The following CEP164 variants were observed in gnomAD, a reference collection of about 807,000 sequenced individuals.
The protein encoded by CEP164 is centrosomal protein of 164 kDa.
CEP164 carries 162 observed loss-of-function variants against 182.7 expected under a neutral mutation model. The observed-to-expected ratio is 0.89, with a 90% CI of 0.78 to 1.01. The LOEUF (loss-of-function observed/expected upper bound fraction) is 1.01. Among genes scored for constraint, CEP164 ranks in the 50% least tolerant of loss-of-function variants. CEP164 has a pLI of 0.00. For missense variants in CEP164, 1,735 were observed against 1,790.4 expected, an observed-to-expected ratio of 0.97 and a Z score of 0.56; for synonymous variants, 661 against 690.0, an observed-to-expected ratio of 0.96 and a Z score of 0.66.
intron 5 of CEP164, chr11:117,356,288 G>C (rs1440000830): frequency 1.1e-5 from 12 of 1,101,180 alleles, no homozygotes; most frequent in Non-Finnish European, 1.3e-5. Flanking sequence ...CAGGTGGCCG[G>C]AGGGCCTGGG....
chr11:117,392,168 C>T (rs1265012331), intron 17 of CEP164, 58 bp from the exon 18 acceptor site: 2 of 1,460,342 alleles, frequency 1.4e-6, no homozygotes, highest in East Asian at 4.6e-5. Context: ...CTGGCTCCGC[C>T]TCCCACCATG....
chr11:117,336,186 G>A, intron 2 of CEP164: 1 of 1,586,284 alleles, frequency 6.3e-7, no homozygotes, highest in South Asian at 1.1e-5. Context: ...TGAGGGAAGG[G>A]TCCAGGGCCT....
intron 30 of CEP164, 148 bp downstream of exon 30, chr11:117,410,113 G>C: frequency 2.6e-6 from 2 of 783,174 alleles, no homozygotes; most frequent in South Asian, 2.9e-5. Flanking sequence ...CGTTACCATA[G>C]TCCATTGGTC....
At chr11:117,345,215 C>A (rs1408632707) in intron 4 of CEP164, among the ~76,000 whole-genome samples, 1 of 152,144 alleles carries the variant, frequency 6.6e-6, no homozygotes, top group African/African-American at 2.4e-5. Context: ...CTCAGGGAAA[C>A]AGAGGTTTAT....
chr11:117,355,717 A>G, intron 5 of CEP164: 1 of 1,181,872 alleles, frequency 8.5e-7, no homozygotes, highest in Non-Finnish European at 1.1e-6. Context: ...AACCTCCTGG[A>G]CTGTGGATGG....
intron 8 of CEP164, among the ~76,000 whole-genome samples, chr11:117,364,373 A>G (rs1370233364): frequency 2.0e-5 from 3 of 152,192 alleles, no homozygotes; most frequent in Admixed American, 1.3e-4. Flanking sequence ...AGAAGTGCTT[A>G]TATCCTGAAT....
At chr11:117,356,358 T>G (rs1416024157) in intron 5 of CEP164, 1 of 1,169,252 alleles carries the variant, frequency 8.6e-7, no homozygotes, top group Non-Finnish European at 1.1e-6. Context: ...GTCTGTTGCA[T>G]GGCAGCTGAG....
In CEP164 at chr11:117,380,427, A is replaced by G. The variant is rs2305828; in HGVS notation, c.1318-187A>G. ...AGGCTGACCCAGGGAGCAGCTGTGA[A>G]CCTAGCCAAAGCTTGGGGAAGCTTC... On this transcript the variant is annotated intron_variant, in intron 11 of 32. Coordinates refer to ENST00000278935, the MANE Select transcript of CEP164 (RefSeq NM_014956.5). Among the ~76,000 whole-genome samples the G allele has an allele frequency of 0.52, 78,977 of 151,998 alleles. 20,648 individuals are homozygous for G. The highest frequency in any genetic ancestry group is 0.58 in the Middle Eastern group (171 of 294).
Position 117,412,793 on chromosome 11 carries a change from G to A in CEP164, c.*625G>A, listed in dbSNP as rs552385341. 6.5e-6 allele frequency: 1 copy of A among 152,800 alleles called. No homozygotes were observed. Among genetic ancestry groups the A allele is most frequent in the East Asian group, 1.9e-4 (1 of 5,182 alleles). The allele number at this position is 152,800 out of a possible 1,614,324, so 9.5% of individuals were successfully genotyped here. A position where few individuals can be genotyped will look rare whatever the true frequency, so the allele number is the denominator to read the frequency against. ...TCCAGAGCCCTGCCGGAGGGTGCTG[G>A]GGGCTGTCCCTCTGCAGGCACTGTG... On this transcript the variant is annotated 3_prime_UTR_variant, in exon 33 of 33. Coordinates refer to ENST00000278935, the MANE Select transcript of CEP164 (RefSeq NM_014956.5).
intron 10 of CEP164, among the ~76,000 whole-genome samples, chr11:117,374,332 C>T (rs2042520031): frequency 6.6e-6 from 1 of 152,168 alleles, no homozygotes; most frequent in Non-Finnish European, 1.5e-5. Context: ...AGACCTTCTA[C>T]CCAGCCTGCT....
Position 117,412,146 on chromosome 11 carries a change from G to C in CEP164, c.4361G>C (p.Arg1454Thr). ...LLQLGLDEHNRVKVYRF is the reference protein window; with the variant it reads ...LLQLGLDEHNTVKVYRF Reference sequence around the variant, plus strand: ...CAGCTGGGCCTTGATGAGCACAACAGAGTGAAGGTGTATCGCTTCTGAGGC... The same window carrying C: ...CAGCTGGGCCTTGATGAGCACAACACAGTGAAGGTGTATCGCTTCTGAGGC... The change falls in exon 33 of 33, where the codon AGA becomes ACA. Residue 1454 changes from arginine to threonine, a missense_variant. Physicochemically the swap from Arg to Thr is moderately conservative, Grantham distance 71. Coordinates refer to ENST00000278935, the MANE Select transcript of CEP164 (RefSeq NM_014956.5). 1.2e-6 allele frequency: 2 copies of C among 1,614,168 alleles called. No homozygotes were observed. The highest frequency in any genetic ancestry group is 1.7e-6 in the Non-Finnish European group (2 of 1,180,028).
intron 1 of CEP164, among the ~76,000 whole-genome samples, chr11:117,321,814 C>T (rs1029760191): frequency 1.4e-4 from 21 of 152,172 alleles, no homozygotes; most frequent in African/African-American, 5.1e-4. Flanking sequence ...CCTTCCACAT[C>T]AGCCTCTGTA....
At chr11:117,355,557 A>C (rs113299027) in intron 5 of CEP164, 1 of 1,249,228 alleles carries the variant, frequency 8.0e-7, no homozygotes, top group African/African-American at 1.6e-5. Flanking sequence ...TCCCCTGAGG[A>C]GGAGCCCTCC....
chr11:117,399,806 A>G (rs543995387), intron 27 of CEP164, among the ~76,000 whole-genome samples: 2 of 152,204 alleles, frequency 1.3e-5, no homozygotes, highest in Admixed American at 6.5e-5. Flanking sequence ...GTCTGTTCAT[A>G]TCCTTTGCCC....
chr11:117,383,446 T>C (rs2043575783), intron 14 of CEP164, among the ~76,000 whole-genome samples: 1 of 152,226 alleles, frequency 6.6e-6, no homozygotes, highest in Non-Finnish European at 1.5e-5. Flanking sequence ...TTCACTGTTC[T>C]GGCCTGTGAG....
rs553792778 is a variant in CEP164 at position 117,347,169 on chromosome 11, C to T, written c.194+2892C>T. ...TTTTCAAAAATCTTGATTTATTTGA[C>T]TAGTCTTATATTGAAGGACATTTAG... On this transcript the variant is annotated intron_variant, in intron 4 of 32. Transcript: ENST00000278935. 2.0e-5 allele frequency among the ~76,000 whole-genome samples: 3 copies of T among 152,228 alleles called. No individual in the cohort carries two copies. The South Asian group carries it at 6.2e-4, about 32-fold the overall frequency.
In CEP164 at chr11:117,361,832, C is replaced by T; in HGVS notation, c.394-3C>T. On this transcript the variant is annotated splice_polypyrimidine_tract_variant and splice_region_variant and intron_variant, in intron 5 of 32. Transcript: ENST00000278935. ...TTGTAACAAGATGTTTTCTGTTGCA[C>T]AGGCCTTGGGTTCCTCATTAGCCCC... 6.2e-7 allele frequency: 1 copy of T among 1,614,220 alleles called. No homozygotes were observed. The highest frequency in any genetic ancestry group is 8.5e-7 in the Non-Finnish European group (1 of 1,180,026).
rs1555163184 is a variant in CEP164 at position 117,413,251 on chromosome 11, G to GC, written c.*1083_*1084insC. 6.9e-6 allele frequency: 1 copy of GC among 145,068 alleles called. No individual in the cohort carries two copies. The highest frequency in any genetic ancestry group is 1.5e-5 in the Non-Finnish European group (1 of 65,638). The allele number at this position is 145,068 out of a possible 1,614,324, so 9.0% of individuals were successfully genotyped here. Reference sequence around the variant, plus strand: ...GTTTAAATAAAATGCACTTATTTTTGTTTTTTTTTTTGCAAGCTGTGGGGT... The same window carrying GC: ...GTTTAAATAAAATGCACTTATTTTTGCTTTTTTTTTTTGCAAGCTGTGGGGT... On this transcript the variant is annotated 3_prime_UTR_variant, in exon 33 of 33. Coordinates refer to ENST00000278935, the MANE Select transcript of CEP164 (RefSeq NM_014956.5).
Position 117,363,494 on chromosome 11 carries a change from C to CT in CEP164, c.756dup (p.Glu253Ter). Reference sequence around the variant, plus strand: ...TGGACATTGGGGCACTGGGGGGTGACTTTGAGTATGAGGTAAGAGCCCTAA... The same window carrying CT: ...TGGACATTGGGGCACTGGGGGGTGACTTTTGAGTATGAGGTAAGAGCCCTAA... On this transcript the variant is annotated frameshift_variant, in exon 8 of 33. Transcript: ENST00000278935. LOFTEE classifies it high-confidence loss of function. The CT allele has an allele frequency of 6.2e-7, 1 of 1,613,416 alleles. No homozygotes were observed. The highest frequency in any genetic ancestry group is 8.5e-7 in the Non-Finnish European group (1 of 1,179,424).
Sources: allele counts gnomAD v4.1 joint callset (sites outside exome capture counted in the v4.1 genomes callset), GRCh38; gene constraint gnomAD v4.1.1; transcripts MANE v1.5; gene names NCBI Gene and HGNC (gene_info 2026-07-23, HGNC 2026-07-21).